Variants in SPOCK1 observed in about 807,000 individuals in gnomAD.
The protein encoded by SPOCK1 is testican-1.
A neutral mutation model predicts 55.3 loss-of-function variants in SPOCK1; 23 were observed. The observed-to-expected ratio is 0.42, with a 90% CI of 0.30 to 0.59. SPOCK1 has a LOEUF of 0.59. SPOCK1 is among the 20% of genes least tolerant of loss of function. SPOCK1 has a pLI of 0.22. For missense variants in SPOCK1, 499 were observed against 552.5 expected (o/e 0.90, Z 0.97); for synonymous variants, 226 against 221.0 (o/e 1.02, Z -0.20).
chr5:137,408,304 T>A (rs1438507712), intron 2 of SPOCK1, among the ~76,000 whole-genome samples: 3 of 152,094 alleles, frequency 2.0e-5, no homozygotes, highest in Non-Finnish European at 4.4e-5. Flanking sequence ...AGTGGTATGG[T>A]CTTACCATCA....
In SPOCK1 at chr5:137,066,987, C is replaced by CACACACACAGAGAGAGAGAGAGAG. The variant is rs1343691789; in HGVS notation, c.589+727_589+728insCTCTCTCTCTCTCTCTGTGTGTGT. The stretch of plus-strand genomic sequence containing the variant: ...ATACACACACACACACACACACACA[C>CACACACACAGAGAGAGAGAGAGAG]AGAGAGAGAGAGAGAGAGAGAGAAA... On this transcript the variant is annotated intron_variant, in intron 6 of 10. Transcript: ENST00000394945. Among the ~76,000 whole-genome samples, 54 of 139,654 alleles carry CACACACACAGAGAGAGAGAGAGAG rather than the reference C, an allele frequency of 3.9e-4. 1 individual carries two copies. The highest frequency in any genetic ancestry group is 9.7e-4 in the Admixed American group (13 of 13,424). 91.6% of individuals were successfully genotyped at this position (139,654 alleles called of 152,430 possible). A position where few individuals can be genotyped will look rare whatever the true frequency, so the allele number is the denominator to read the frequency against.
At chr5:137,481,509 C>G (rs1340562722) in intron 2 of SPOCK1, among the ~76,000 whole-genome samples, 1 of 152,232 alleles carries the variant, frequency 6.6e-6, no homozygotes, top group African/African-American at 2.4e-5. Flanking sequence ...CATTTCTTGC[C>G]TGTGCATCAA....
intron 3 of SPOCK1, among the ~76,000 whole-genome samples, chr5:137,226,787 TTAAGTA>T (rs1214727785): frequency 2.6e-5 from 4 of 152,234 alleles, no homozygotes; most frequent in African/African-American, 9.6e-5. Context: ...TTTATCCAGT[TTAAGTA>T]TAACTACCGT....
At chr5:137,498,592 G>A (rs1218582315) in intron 1 of SPOCK1, 34 bp from the exon 2 acceptor site, 9 of 1,294,840 alleles carry the variant, frequency 7.0e-6, no homozygotes, top group East Asian at 3.2e-5. Flanking sequence ...GATGAGCGAA[G>A]AGGGCGGGCG....
At chr5:137,319,525 T>G (rs889910485) in intron 2 of SPOCK1, among the ~76,000 whole-genome samples, 1 of 152,204 alleles carries the variant, frequency 6.6e-6, no homozygotes, top group African/African-American at 2.4e-5. Context: ...ATGTTTTCAG[T>G]AGAGTGATGC....
At chr5:137,277,172 G>C (rs949705896) in intron 2 of SPOCK1, among the ~76,000 whole-genome samples, 1 of 151,862 alleles carries the variant, frequency 6.6e-6, no homozygotes, top group African/African-American at 2.4e-5. Flanking sequence ...ACACCACCAT[G>C]CCCAGCTAAT....
intron 4 of SPOCK1, among the ~76,000 whole-genome samples, chr5:137,123,494 T>G (rs773119071): frequency 2.6e-5 from 4 of 152,178 alleles, no homozygotes; most frequent in Non-Finnish European, 5.9e-5. Context: ...GGTACTCAAC[T>G]GCCCCTCTTG....
chr5:137,086,861 GT>G (rs147541597), intron 5 of SPOCK1, among the ~76,000 whole-genome samples: 1,950 of 152,264 alleles, frequency 0.013, 37 homozygotes, highest in Middle Eastern at 0.034. Context: ...CTTCTACTAA[GT>G]TTTTTACTGT....
chr5:137,207,594 C>T (rs1755542693), intron 3 of SPOCK1, among the ~76,000 whole-genome samples: 1 of 152,056 alleles, frequency 6.6e-6, no homozygotes, highest in Non-Finnish European at 1.5e-5. Flanking sequence ...TGTGGGTGGA[C>T]TTAATAGAGC....
chr5:136,992,635 G>A (rs1365852935), intron 6 of SPOCK1, 35 bp from the exon 7 acceptor site: 1 of 1,555,100 alleles, frequency 6.4e-7, no homozygotes, highest in African/African-American at 1.4e-5. Flanking sequence ...CAATGGGGCT[G>A]GGGGCTTTCT....
chr5:137,171,036 T>A (rs1183562666), intron 3 of SPOCK1, among the ~76,000 whole-genome samples: 2 of 152,064 alleles, frequency 1.3e-5, no homozygotes, highest in African/African-American at 4.8e-5. Context: ...TAAATACACA[T>A]GTTCTAGGGG....
intron 3 of SPOCK1, among the ~76,000 whole-genome samples, chr5:137,181,134 C>T (rs576925860): frequency 3.9e-4 from 59 of 152,196 alleles, no homozygotes; most frequent in Admixed American, 3.5e-3. Flanking sequence ...GAAGTGAAAA[C>T]GCTCGATGGA....
At chr5:137,010,554 C>T (rs1237468375) in intron 6 of SPOCK1, among the ~76,000 whole-genome samples, 3 of 152,044 alleles carry the variant, frequency 2.0e-5, no homozygotes, top group Non-Finnish European at 4.4e-5. Flanking sequence ...TACTACATAC[C>T]TGAGAATACC....
chr5:137,032,569 T>C (rs3849044), intron 6 of SPOCK1, among the ~76,000 whole-genome samples: 46,325 of 151,888 alleles, frequency 0.3, 8,521 homozygotes, highest in Non-Finnish European at 0.41. Context: ...TGAATAGAAG[T>C]GTGGGCTCCT....
At chr5:137,325,816 C>A (rs1758065228) in intron 2 of SPOCK1, among the ~76,000 whole-genome samples, 1 of 152,156 alleles carries the variant, frequency 6.6e-6, no homozygotes, top group African/African-American at 2.4e-5. Flanking sequence ...CACGGGGCAA[C>A]CAGCTATGAC....
chr5:137,454,786 A>G (rs1202351972), intron 2 of SPOCK1, among the ~76,000 whole-genome samples: 1 of 152,236 alleles, frequency 6.6e-6, no homozygotes, highest in Admixed American at 6.5e-5. Context: ...AATCACAGCA[A>G]TAAATGACAG....
At chr5:137,164,045 G>T (rs991774754) in intron 3 of SPOCK1, among the ~76,000 whole-genome samples, 1 of 152,144 alleles carries the variant, frequency 6.6e-6, no homozygotes, top group Non-Finnish European at 1.5e-5. Flanking sequence ...AAGCAGAGAG[G>T]TATATGAAGA....
chr5:137,480,303 T>TCACACACACACA (rs6149262), intron 2 of SPOCK1, among the ~76,000 whole-genome samples: 10 of 140,116 alleles, frequency 7.1e-5, no homozygotes, highest in African/African-American at 2.1e-4. Context: ...TTGCTCTCCT[T>TCACACACACACA]CACACACACA....
chr5:137,497,951 GAC>G (rs953476917), intron 2 of SPOCK1, among the ~76,000 whole-genome samples: 9 of 151,908 alleles, frequency 5.9e-5, no homozygotes, highest in African/African-American at 2.2e-4. Context: ...GGATTCTCCT[GAC>G]ACACCCCAGA....
Sources: gnomAD v4.1 joint callset for allele counts (sites outside exome capture counted in the v4.1 genomes callset) on GRCh38, gnomAD v4.1.1 for gene constraint, MANE v1.5 for transcripts, NCBI Gene and HGNC (gene_info 2026-07-23, HGNC 2026-07-21) for gene names.